The following PTPRN2 variants were observed in gnomAD, a reference collection of about 807,000 sequenced individuals.
PTPRN2 encodes receptor-type tyrosine-protein phosphatase N2.
A neutral mutation model predicts 118.8 loss-of-function variants in PTPRN2; 74 were observed. The ratio of observed to expected loss-of-function variants is 0.62; its 90% CI spans 0.52 to 0.76. The LOEUF (loss-of-function observed/expected upper bound fraction) is 0.76. Among genes scored for constraint, PTPRN2 ranks in the 30% least tolerant of loss-of-function variants. The pLI is 0.00. For synonymous variants in PTPRN2, 641 were observed against 608.0 expected, an observed-to-expected ratio of 1.05 and a Z score of -0.80; for missense variants, 1,481 against 1,394.4, an observed-to-expected ratio of 1.06 and a Z score of -0.99.
chr7:157,825,521 A>G (rs1010083996), intron 12 of PTPRN2, among the ~76,000 whole-genome samples: 9 of 152,158 alleles, frequency 5.9e-5, no homozygotes, highest in Non-Finnish European at 1.2e-4. Flanking sequence ...ACTAATACAC[A>G]CGTGTTTGCC....
At chr7:158,202,400 C>A (rs953187023) in intron 4 of PTPRN2, among the ~76,000 whole-genome samples, 1 of 152,100 alleles carries the variant, frequency 6.6e-6, no homozygotes, top group Non-Finnish European at 1.5e-5. Context: ...CTGGGGAGGC[C>A]TTTGGGTCAG....
At chr7:157,777,198 T>G (rs1387405270) in intron 12 of PTPRN2, among the ~76,000 whole-genome samples, 1 of 152,212 alleles carries the variant, frequency 6.6e-6, no homozygotes, top group Non-Finnish European at 1.5e-5. Context: ...ATGCTTGCAT[T>G]TTTTTCACAT....
intron 21 of PTPRN2, among the ~76,000 whole-genome samples, chr7:157,562,623 G>A (rs868273332): frequency 1.9e-4 from 29 of 152,208 alleles, no homozygotes; most frequent in African/African-American, 6.0e-4. Flanking sequence ...AACACGATTC[G>A]ACAAAGACGT....
rs866283266 is a variant in PTPRN2, at chr7:158,522,553, C to T, written c.113-32768G>A. Among the ~76,000 whole-genome samples, 19 of 151,816 alleles carry T rather than the reference C, an allele frequency of 1.3e-4. 1 individual carries two copies. The highest frequency in any genetic ancestry group is 4.1e-4 in the South Asian group (2 of 4,834). ...GGTGCATGTGCAGGGTGTGTTCTGG[C>T]ACCACTGTGTGTGTACAGCGAATCG... On this transcript the variant is annotated intron_variant, in intron 1 of 22. Transcript: ENST00000389418.
chr7:158,436,922 G>A (rs1005391437), intron 2 of PTPRN2, among the ~76,000 whole-genome samples: 6 of 152,108 alleles, frequency 3.9e-5, no homozygotes, highest in Non-Finnish European at 7.3e-5. Flanking sequence ...ACACAAAACT[G>A]CCAATATTCA....
At chr7:158,159,896 CA>C (rs1822205216) in intron 6 of PTPRN2, among the ~76,000 whole-genome samples, 1 of 151,226 alleles carries the variant, frequency 6.6e-6, no homozygotes, top group African/African-American at 2.4e-5. Flanking sequence ...ATCATAATCT[CA>C]AAAGATACAG....
intron 2 of PTPRN2, among the ~76,000 whole-genome samples, chr7:158,386,463 C>T (rs946141759): frequency 5.9e-5 from 9 of 152,176 alleles, no homozygotes; most frequent in African/African-American, 1.4e-4. Context: ...GAGCTGCCTC[C>T]GTTCATCCAG....
rs938100943 is a variant in PTPRN2, at chr7:158,214,431, C to CAA, written c.278-9160_278-9159dup. Among the ~76,000 whole-genome samples the CAA allele has an allele frequency of 2.0e-5, 3 of 148,718 alleles. No homozygotes were observed. The East Asian group carries it at 5.9e-4, about 29-fold the overall frequency. The stretch of plus-strand genomic sequence containing the variant: ...ACACACACACACACACACACACACA[C>CAA]AACTAAAGCAGCCTCTCTCTAATCA... On this transcript the variant is annotated intron_variant, in intron 3 of 22. Transcript: ENST00000389418.
chr7:157,782,109 G>A (rs1201199029), intron 12 of PTPRN2, among the ~76,000 whole-genome samples: 1 of 152,218 alleles, frequency 6.6e-6, no homozygotes, highest in Non-Finnish European at 1.5e-5. Flanking sequence ...CAAAGGTGTG[G>A]GTGGATTTGC....
intron 1 of PTPRN2, among the ~76,000 whole-genome samples, chr7:158,582,796 CAAAAAAAAAAA>C (rs1156687117): frequency 1.1e-4 from 5 of 44,318 alleles, no homozygotes; most frequent in Admixed American, 6.4e-4. Context: ...GACTCCATCT[CAAAAAAAAAAA>C]AAAAAAAAAA....
At chr7:158,179,246 T>G (rs1381351405) in intron 5 of PTPRN2, among the ~76,000 whole-genome samples, 1 of 152,170 alleles carries the variant, frequency 6.6e-6, no homozygotes, top group Non-Finnish European at 1.5e-5. Flanking sequence ...TTGCATTTCC[T>G]TGATGATTAG....
chr7:158,317,879 G>A (rs1050030837), intron 2 of PTPRN2, among the ~76,000 whole-genome samples: 8 of 152,206 alleles, frequency 5.3e-5, no homozygotes, highest in African/African-American at 1.7e-4. Context: ...ATATGCTCAC[G>A]ACGACGGGGC....
chr7:158,248,860 G>A (rs1796442426), intron 3 of PTPRN2, among the ~76,000 whole-genome samples: 1 of 12,898 alleles, frequency 7.8e-5, no homozygotes, highest in African/African-American at 3.1e-4. Context: ...ACATACACAT[G>A]CACACACCAC....
At chr7:158,155,087 A>C (rs1821581931) in intron 6 of PTPRN2, among the ~76,000 whole-genome samples, 1 of 152,222 alleles carries the variant, frequency 6.6e-6, no homozygotes, top group South Asian at 2.1e-4. Context: ...ATGACATTTT[A>C]AGTAGCTTTC....
chr7:157,726,383 AGAG>A (rs1799601637), intron 12 of PTPRN2, among the ~76,000 whole-genome samples: 2 of 150,856 alleles, frequency 1.3e-5, no homozygotes, highest in Admixed American at 6.6e-5. Context: ...ATCCACACGC[AGAG>A]GAGTGTGGCC....
intron 11 of PTPRN2, among the ~76,000 whole-genome samples, chr7:157,922,017 G>T (rs1402516341): frequency 6.6e-6 from 1 of 152,158 alleles, no homozygotes; most frequent in African/African-American, 2.4e-5. Context: ...ATGTAAAACT[G>T]CACTAAACAT....
intron 12 of PTPRN2, among the ~76,000 whole-genome samples, chr7:157,858,218 A>G (rs1203656237): frequency 5.8e-5 from 1 of 17,244 alleles, no homozygotes; most frequent in African/African-American, 3.4e-4. Flanking sequence ...AGAGCCTCCC[A>G]GCCACCACCC....
At position 158,445,879 on chromosome 7, in the gene PTPRN2, C is replaced by T. The variant is rs1004012744; in HGVS notation, c.163+43856G>A. On this transcript the variant is annotated intron_variant, in intron 2 of 22. Transcript: ENST00000389418. Reference sequence around the variant, plus strand: ...GACCATGTCAGTGCTCAGAAGCCTCCGGGTCAGCCCTCAGACCACCCCATG... The same window carrying T: ...GACCATGTCAGTGCTCAGAAGCCTCTGGGTCAGCCCTCAGACCACCCCATG... Among the ~76,000 whole-genome samples, 9 of 152,336 alleles carry T rather than the reference C, an allele frequency of 5.9e-5. 1 individual carries two copies. The highest frequency in any genetic ancestry group is 2.0e-4 in the Admixed American group (3 of 15,304).
intron 12 of PTPRN2, among the ~76,000 whole-genome samples, chr7:157,767,381 C>T (rs1802547278): frequency 6.6e-6 from 1 of 152,238 alleles, no homozygotes; most frequent in South Asian, 2.1e-4. Flanking sequence ...GCCATGTTAT[C>T]TGTGTTCTTA....
Sources: gnomAD v4.1 joint callset for allele counts (sites outside exome capture counted in the v4.1 genomes callset) on GRCh38, gnomAD v4.1.1 for gene constraint, MANE v1.5 for transcripts, NCBI Gene and HGNC (gene_info 2026-07-23, HGNC 2026-07-21) for gene names.